ZDHHC16: variants seen among roughly 807,000 people sequenced by gnomAD.
ZDHHC16 encodes the protein zDHHC palmitoyltransferase 16.
ZDHHC16 carries 33 observed loss-of-function variants against 54.4 expected under a neutral mutation model. The ratio of observed to expected loss-of-function variants is 0.61; its 90% CI spans 0.46 to 0.81. The LOEUF (loss-of-function observed/expected upper bound fraction) is 0.81. ZDHHC16 is among the 30% of genes least tolerant of loss of function. The probability of loss-of-function intolerance (pLI) is 0.00; values close to 1 mark genes in which losing one functional copy is unlikely to be tolerated. For missense variants in ZDHHC16, 420 were observed against 485.9 expected (o/e 0.86, Z 1.28); for synonymous variants, 185 against 182.1 (o/e 1.02, Z -0.13).
At chr10:97,456,684 T>G (rs1847275873) in intron 11 of ZDHHC16, 93 bp from the exon 12 acceptor site, 1 of 883,094 alleles carries the variant, frequency 1.1e-6, no homozygotes, top group Non-Finnish European at 1.7e-6. Context: ...CCGAGGTAGC[T>G]TCAGGATACC....
At chr10:97,453,693 T>A in intron 7 of ZDHHC16, 30 bp downstream of exon 7, 2 of 1,614,138 alleles carry the variant, frequency 1.2e-6, no homozygotes, top group Non-Finnish European at 1.7e-6. Flanking sequence ...GGCAGCTCAG[T>A]AGTGCAGAAC....
intron 6 of ZDHHC16, 80 bp from the exon 7 acceptor site, chr10:97,453,450 G>A: frequency 6.4e-7 from 1 of 1,553,274 alleles, no homozygotes; most frequent in Non-Finnish European, 8.7e-7. Context: ...GATATTGTCA[G>A]GAACCAGGGA....
At chr10:97,446,577 C>A (rs1846057915) in intron 1 of ZDHHC16, among the ~76,000 whole-genome samples, 1 of 152,218 alleles carries the variant, frequency 6.6e-6, no homozygotes, top group Non-Finnish European at 1.5e-5. Context: ...AGATATGGAA[C>A]CTCAGATTCA....
At chr10:97,455,452 C>A (rs930426157) in intron 9 of ZDHHC16, 17 of 822,684 alleles carry the variant, frequency 2.1e-5, no homozygotes, top group Non-Finnish European at 2.4e-5. Context: ...GGCTTCACAT[C>A]ATTTATTCTT....
In ZDHHC16 at chr10:97,446,218, G is replaced by A; in HGVS notation, c.-321G>A. On this transcript the variant is annotated 5_prime_UTR_variant, in exon 1 of 12. Coordinates refer to ENST00000393760, the MANE Select transcript of ZDHHC16 (RefSeq NM_198046.3). ...GCGGCGGGTCCGGGTCCGCTGCCTGGCGCTGCGGGCGGCGGGCCATGGTGG... is the reference window on the plus strand; with the variant it reads ...GCGGCGGGTCCGGGTCCGCTGCCTGACGCTGCGGGCGGCGGGCCATGGTGG... The A allele has an allele frequency of 3.2e-6, 2 of 624,942 alleles. No homozygotes were observed. The highest frequency in any genetic ancestry group is 5.8e-5 in the Admixed American group (2 of 34,582). 38.7% of individuals were successfully genotyped at this position (624,942 alleles called of 1,614,324 possible).
chr10:97,454,912 A>C (rs766447199), intron 9 of ZDHHC16, 113 bp downstream of exon 9: 49 of 891,086 alleles, frequency 5.5e-5, no homozygotes, highest in Non-Finnish European at 8.4e-5. Context: ...CTCTAGTCTA[A>C]CTTAGGTTGG....
chr10:97,456,516 C>A, intron 11 of ZDHHC16: 1 of 339,920 alleles, frequency 2.9e-6, no homozygotes. Flanking sequence ...TTCCCTCCTC[C>A]CTTTCCCATG....
chr10:97,452,197 G>C lies in ZDHHC16; in HGVS notation c.351G>C (p.Trp117Cys). Residue 117 changes from tryptophan to cysteine, a missense_variant, in exon 4 of 12, where the codon TGG (tryptophan) becomes TGC (cysteine). Coordinates refer to ENST00000393760, the MANE Select transcript of ZDHHC16 (RefSeq NM_198046.3). The stretch of plus-strand genomic sequence containing the variant: ...CCTACTCAGTGCCACGACTCTGCTG[G>C]CATTTCTTCTATAGCCACTGGAATC... ...LRTYSVPRLC[W>C]HFFYSHWNLI... The C allele has an allele frequency of 6.2e-7, 1 of 1,614,086 alleles. No homozygotes were observed.
Position 97,455,685 on chromosome 10 carries a change from C to G in ZDHHC16, c.850C>G (p.Leu284Val). 1 of 1,614,180 alleles carries G rather than the reference C, an allele frequency of 6.2e-7. No homozygotes were observed. The highest frequency in any genetic ancestry group is 8.5e-7 in the Non-Finnish European group (1 of 1,180,036). ...TTCTGTGGCACTTGCCCTGGGTGCCCTAACTGTATGGCATGCTGTTCTCAT... is the reference window on the plus strand; with the variant it reads ...TTCTGTGGCACTTGCCCTGGGTGCCGTAACTGTATGGCATGCTGTTCTCAT... The part of the protein sequence containing the change: ...CSSVALALGA[L>V]TVWHAVLISR... The change falls in exon 10 of 12, where the codon CTA becomes GTA. Residue 284 changes from leucine (L) to valine (V), a missense_variant. Physicochemically the swap from Leu to Val is conservative, Grantham distance 32. Transcript: ENST00000393760.
intron 6 of ZDHHC16, 60 bp downstream of exon 6, chr10:97,452,983 G>A (rs938920863): frequency 6.2e-7 from 1 of 1,607,478 alleles, no homozygotes; most frequent in Non-Finnish European, 8.5e-7. Context: ...ACTGTACAGG[G>A]TTAATGGCCA....
intron 11 of ZDHHC16, 144 bp from the exon 12 acceptor site, chr10:97,456,633 G>A (rs1198641818): frequency 6.8e-6 from 4 of 590,868 alleles, no homozygotes; most frequent in Non-Finnish European, 8.8e-6. Flanking sequence ...GATAAAATTG[G>A]GTAGCAGAAA....
intron 8 of ZDHHC16, among the ~76,000 whole-genome samples, 190 bp downstream of exon 8, chr10:97,454,036 C>T (rs987592007): frequency 6.6e-6 from 1 of 152,170 alleles, no homozygotes; most frequent in Non-Finnish European, 1.5e-5. Flanking sequence ...GCTGGAAGTC[C>T]CTGGTATGTG....
Position 97,455,839 on chromosome 10 carries a change from G to A in ZDHHC16, c.948+56G>A, listed in dbSNP as rs1847124575. Reference sequence around the variant, plus strand: ...GGTGGGTAACTGAACTTGCTCTCCTGTAAACAGAGGCCATGGGCAGGGCTG... The same window carrying A: ...GGTGGGTAACTGAACTTGCTCTCCTATAAACAGAGGCCATGGGCAGGGCTG... On this transcript the variant is annotated intron_variant, in intron 10 of 11. Coordinates refer to ENST00000393760, the MANE Select transcript of ZDHHC16 (RefSeq NM_198046.3). 6 of 1,606,098 alleles carry A rather than the reference G, an allele frequency of 3.7e-6. No individual in the cohort carries two copies. The Admixed American group carries it at 6.7e-5, about 18-fold the overall frequency.
intron 1 of ZDHHC16, among the ~76,000 whole-genome samples, chr10:97,449,769 A>T (rs925029924): frequency 6.6e-6 from 1 of 150,740 alleles, no homozygotes; most frequent in Non-Finnish European, 1.5e-5. Context: ...ACCTCAAGTG[A>T]TCCGCCTGCC....
chr10:97,456,912 A>T lies in ZDHHC16; in HGVS notation c.*21A>T. The stretch of plus-strand genomic sequence containing the variant: ...TGTGAGCTGGACTGTGTCAGCCACG[A>T]CTCGAGCACTCATTCTGCTCCCTAT... On this transcript the variant is annotated 3_prime_UTR_variant, in exon 12 of 12. Transcript: ENST00000393760. 6.4e-7 allele frequency: 1 copy of T among 1,563,424 alleles called. No homozygotes were observed. Among genetic ancestry groups the T allele is most frequent in the Non-Finnish European group, 8.7e-7 (1 of 1,146,532 alleles).
At position 97,451,734 on chromosome 10, in the gene ZDHHC16, T is replaced by C; in HGVS notation, c.59T>C (p.Leu20Pro). 1 of 1,613,720 alleles carries C rather than the reference T, an allele frequency of 6.2e-7. No homozygotes were observed. The highest frequency in any genetic ancestry group is 8.5e-7 in the Non-Finnish European group (1 of 1,180,042). Residue 20 changes from leucine to proline, a missense_variant, in exon 3 of 12, where the codon CTG becomes CCG. By Grantham distance (98) the Leu-to-Pro change is moderately conservative. Coordinates refer to ENST00000393760, the MANE Select transcript of ZDHHC16 (RefSeq NM_198046.3). ...GPARLCLRLL[L>P]LLGYRRRCPP... Reference sequence around the variant, plus strand: ...GCCCGCCTCTGCCTCCGCCTCCTTCTGCTGCTGGGTTACAGGCGCCGCTGT... The same window carrying C: ...GCCCGCCTCTGCCTCCGCCTCCTTCCGCTGCTGGGTTACAGGCGCCGCTGT...
intron 11 of ZDHHC16, chr10:97,456,297 G>A: frequency 2.0e-6 from 1 of 493,170 alleles, no homozygotes; most frequent in Non-Finnish European, 3.6e-6. Flanking sequence ...AGGGGCCTCT[G>A]GGTGTAGGAT....
intron 1 of ZDHHC16, among the ~76,000 whole-genome samples, chr10:97,449,941 G>A (rs34452362): frequency 0.24 from 32,351 of 134,544 alleles, 3,907 homozygotes; most frequent in Non-Finnish European, 0.27. Context: ...GCGCAATCTC[G>A]GCTCACTGCA....
In ZDHHC16 at chr10:97,454,774, C is replaced by G. The variant is rs1847005090; in HGVS notation, c.799C>G (p.Leu267Val). Residue 267 changes from leucine to valine, a missense_variant, in exon 9 of 12, where the codon CTT (leucine) becomes GTT (valine). Leu to Val is a conservative substitution (Grantham distance 32, BLOSUM62 1). Coordinates refer to ENST00000393760, the MANE Select transcript of ZDHHC16 (RefSeq NM_198046.3). Reference protein sequence around the residue: ...SFRERMTHKSLVYLWFLCSSV... With the variant: ...SFRERMTHKSVVYLWFLCSSV... ...TCGAGAAAGGATGACTCACAAGAGT[C>G]TTGTCTACCTCTGGTTCCTGTGCAG... The G allele has an allele frequency of 2.5e-6, 4 of 1,614,174 alleles. No homozygotes were observed. In the East Asian group the frequency reaches 8.9e-5, roughly 36 times the overall value.
Sources: allele counts gnomAD v4.1 joint callset (sites outside exome capture counted in the v4.1 genomes callset), GRCh38; gene constraint gnomAD v4.1.1; transcripts MANE v1.5; gene names NCBI Gene and HGNC (gene_info 2026-07-23, HGNC 2026-07-21).